The following UTP18 variants were observed in gnomAD, a reference collection of about 807,000 sequenced individuals.
The protein encoded by UTP18 is UTP18 small subunit processome component.
UTP18 carries 36 observed loss-of-function variants against 61.1 expected under a neutral mutation model. That is an observed-to-expected ratio of 0.59 (90% confidence interval 0.45 to 0.78). The LOEUF is 0.78. Among genes scored for constraint, UTP18 ranks in the 30% least tolerant of loss-of-function variants. The pLI, the probability that UTP18 is intolerant of heterozygous loss-of-function variation, is 0.00. For synonymous variants in UTP18, 282 were observed against 251.1 expected (o/e 1.12, Z -1.16); for missense variants, 753 against 693.9 (o/e 1.09, Z -0.96).
Position 51,297,775 on chromosome 17 carries a change from T to A in UTP18, c.*15-7T>A, listed in dbSNP as rs1245278438. On this transcript the variant is annotated splice_polypyrimidine_tract_variant and splice_region_variant and intron_variant, in intron 13 of 13. Coordinates refer to ENST00000225298, the MANE Select transcript of UTP18 (RefSeq NM_016001.3). ...CAGGTATGTAATTTCTTTTGTTCTTTCCTCAGGTCCAGTTGAGTCACAAGA... is the reference window on the plus strand; with the variant it reads ...CAGGTATGTAATTTCTTTTGTTCTTACCTCAGGTCCAGTTGAGTCACAAGA... 1 of 429,542 alleles carries A rather than the reference T, an allele frequency of 2.3e-6. No individual in the cohort carries two copies. The highest frequency in any genetic ancestry group is 1.7e-5 in the South Asian group (1 of 58,800). 26.6% of individuals were successfully genotyped at this position (429,542 alleles called of 1,614,324 possible). A position where few individuals can be genotyped will look rare whatever the true frequency, so the allele number is the denominator to read the frequency against.
intron 1 of UTP18, among the ~76,000 whole-genome samples, chr17:51,261,777 A>C (rs1287895069): frequency 6.6e-6 from 1 of 152,194 alleles, no homozygotes; most frequent in Non-Finnish European, 1.5e-5. Flanking sequence ...AAGCTCACCG[A>C]GAATTACCCA....
intron 12 of UTP18, 68 bp from the exon 13 acceptor site, chr17:51,296,897 G>T: frequency 6.8e-7 from 1 of 1,477,260 alleles, no homozygotes; most frequent in Non-Finnish European, 9.2e-7. Flanking sequence ...GTGCCCTTCT[G>T]TGATCTAATT....
At chr17:51,272,544 A>G (rs1432987365) in intron 4 of UTP18, among the ~76,000 whole-genome samples, 1 of 152,184 alleles carries the variant, frequency 6.6e-6, no homozygotes, top group Non-Finnish European at 1.5e-5. Flanking sequence ...GACATTGCAT[A>G]TGAAAAATAA....
At chr17:51,267,562 T>C (rs997656752) in intron 3 of UTP18, among the ~76,000 whole-genome samples, 1 of 152,130 alleles carries the variant, frequency 6.6e-6, no homozygotes, top group African/African-American at 2.4e-5. Context: ...TGATTATTTT[T>C]TCTTTGTGTT....
intron 9 of UTP18, among the ~76,000 whole-genome samples, chr17:51,282,671 TATATG>T (rs1487822279): frequency 6.6e-6 from 1 of 152,060 alleles, no homozygotes; most frequent in Non-Finnish European, 1.5e-5. Flanking sequence ...TGAAATTTGA[TATATG>T]AATTGGACGC....
chr17:51,268,886 C>A lies in UTP18; in HGVS notation c.604C>A (p.Arg202=). ...ACCTGCCTGGGCAGAGACTACTAAG[C>A]GGAAAACATCTTCAGATGGTGAGCG... The part of the protein sequence containing the change: ...GVPAWAETTK[R]KTSSDDESEE... The change falls in exon 4 of 14, where the codon CGG becomes AGG. Residue 202 remains arginine, a synonymous_variant. Transcript: ENST00000225298. 1 of 1,613,748 alleles carries A rather than the reference C, an allele frequency of 6.2e-7. No individual in the cohort carries two copies. The highest frequency in any genetic ancestry group is 8.5e-7 in the Non-Finnish European group (1 of 1,179,776).
At chr17:51,279,863 C>A in intron 7 of UTP18, 142 bp from the exon 8 acceptor site, 1 of 671,734 alleles carries the variant, frequency 1.5e-6, no homozygotes, top group Non-Finnish European at 2.5e-6. Context: ...TGCGTTTAGA[C>A]TTATTCGGGG....
intron 2 of UTP18, 54 bp from the exon 3 acceptor site, chr17:51,266,128 T>A: frequency 1.5e-6 from 2 of 1,349,166 alleles, no homozygotes; most frequent in Non-Finnish European, 2.0e-6. Flanking sequence ...AAGCAGCAGC[T>A]ATTTATATTA....
At chr17:51,264,996 A>G (rs921128996) in intron 2 of UTP18, among the ~76,000 whole-genome samples, 2 of 152,046 alleles carry the variant, frequency 1.3e-5, no homozygotes, top group Non-Finnish European at 2.9e-5. Context: ...TTTCTTATAA[A>G]TATTCTTTAT....
At chr17:51,271,651 TG>T (rs1904535286) in intron 4 of UTP18, among the ~76,000 whole-genome samples, 1 of 152,202 alleles carries the variant, frequency 6.6e-6, no homozygotes, top group African/African-American at 2.4e-5. Flanking sequence ...AAACATCTAT[TG>T]GAGGCTTAAT....
chr17:51,275,062 T>C (rs774524953), intron 5 of UTP18, among the ~76,000 whole-genome samples: 1 of 151,852 alleles, frequency 6.6e-6, no homozygotes, highest in Admixed American at 6.6e-5. Flanking sequence ...CTGGGTGTGG[T>C]GGCACATGTC....
chr17:51,272,125 G>A (rs1490742398), intron 4 of UTP18, among the ~76,000 whole-genome samples: 4 of 151,644 alleles, frequency 2.6e-5, no homozygotes, highest in Non-Finnish European at 5.9e-5. Flanking sequence ...TTGAGACAGA[G>A]TCTTATTCTG....
chr17:51,296,890 C>G, intron 12 of UTP18, 75 bp from the exon 13 acceptor site: 1 of 1,399,294 alleles, frequency 7.1e-7, no homozygotes, highest in African/African-American at 1.5e-5. Context: ...TTCCTAAGTG[C>G]CCTTCTGTGA....
chr17:51,283,626 T>G (rs1312530930), intron 9 of UTP18, among the ~76,000 whole-genome samples: 6 of 151,714 alleles, frequency 4.0e-5, no homozygotes, highest in Non-Finnish European at 7.4e-5. Flanking sequence ...GATTTTTTTT[T>G]TTTTTTGGAG....
chr17:51,286,069 T>C (rs1045304156), intron 10 of UTP18, among the ~76,000 whole-genome samples: 5 of 152,242 alleles, frequency 3.3e-5, no homozygotes, highest in African/African-American at 1.2e-4. Flanking sequence ...GCATTTTTCC[T>C]TTATCCAGCT....
intron 4 of UTP18, among the ~76,000 whole-genome samples, chr17:51,270,246 G>A (rs970972907): frequency 6.6e-6 from 1 of 151,986 alleles, no homozygotes; most frequent in Non-Finnish European, 1.5e-5. Context: ...CTACTCCTAC[G>A]GTTTGAAACA....
At chr17:51,266,379 AG>A in intron 3 of UTP18, 99 bp downstream of exon 3, 1 of 799,922 alleles carries the variant, frequency 1.3e-6, no homozygotes. Context: ...ATTTTGAAAC[AG>A]TAAGAGGATT....
chr17:51,268,443 A>C (rs1489441309), intron 3 of UTP18, among the ~76,000 whole-genome samples: 4 of 152,234 alleles, frequency 2.6e-5, no homozygotes, highest in African/African-American at 7.2e-5. Context: ...TATTCTTAAC[A>C]ATCTGGTCAG....
intron 10 of UTP18, chr17:51,286,396 A>G (rs1905115952): frequency 2.3e-6 from 1 of 440,836 alleles, no homozygotes; most frequent in African/African-American, 2.0e-5. Context: ...GATTTCAGTC[A>G]AATCCTCCCT....
Sources: gnomAD v4.1 joint callset for allele counts (sites outside exome capture counted in the v4.1 genomes callset) on GRCh38, gnomAD v4.1.1 for gene constraint, MANE v1.5 for transcripts, NCBI Gene and HGNC (gene_info 2026-07-23, HGNC 2026-07-21) for gene names.